GLB1L3: variants seen among roughly 807,000 people sequenced by gnomAD.
The protein encoded by GLB1L3 is galactosidase beta 1 like 3.
In GLB1L3, 89 loss-of-function variants were observed where a neutral mutation model predicts 89.5. The ratio of observed to expected loss-of-function variants is 0.99; its 90% confidence interval spans 0.84 to 1.19. The LOEUF (loss-of-function observed/expected upper bound fraction) is 1.19. GLB1L3 is among the 50% of genes most tolerant of loss of function. The pLI is 0.00. For synonymous variants in GLB1L3, 314 were observed against 312.3 expected (o/e 1.01, Z -0.06); for missense variants, 812 against 813.3 (o/e 1.00, Z 0.02).
intron 6 of GLB1L3, 100 bp downstream of exon 6, chr11:134,283,945 CA>C (rs1387307051): frequency 1.7e-5 from 12 of 709,662 alleles, no homozygotes; most frequent in Non-Finnish European, 3.0e-5. Flanking sequence ...TCTCCATGAA[CA>C]ATTGAGTTGA....
In GLB1L3 at chr11:134,292,124, C is replaced by G; in HGVS notation, c.730-8C>G. 1 of 1,611,472 alleles carries G rather than the reference C, an allele frequency of 6.2e-7. No individual in the cohort carries two copies. Among genetic ancestry groups the G allele is most frequent in the Non-Finnish European group, 8.5e-7 (1 of 1,178,116 alleles). ...AATTGGGTTCATTTTGGTTAATTTT[C>G]TCAACAGGCCCTGCTGAGAAGAGGG... On this transcript the variant is annotated splice_polypyrimidine_tract_variant and splice_region_variant and intron_variant, in intron 7 of 19. Transcript: ENST00000431683.
Position 134,310,603 on chromosome 11 carries a change from T to C in GLB1L3, c.1132T>C (p.Tyr378His). 3 of 1,613,594 alleles carry C rather than the reference T, an allele frequency of 1.9e-6. No homozygotes were observed. Among genetic ancestry groups the C allele is most frequent in the Non-Finnish European group, 2.5e-6 (3 of 1,179,724 alleles). Residue 378 changes from tyrosine (Y) to histidine (H), a missense_variant, in exon 12 of 20, where the codon TAC (tyrosine) becomes CAC (histidine). By Grantham distance (83) the Tyr-to-His change is moderately conservative. Transcript: ENST00000431683. ...TGCAGTGCTCACGGAGGCTGGAGAT[T>C]ACACAGAAAAATATCTGAAGCTTCA... Reference protein sequence around the residue: ...YDAVLTEAGDYTEKYLKLQKL... With the variant: ...YDAVLTEAGDHTEKYLKLQKL...
At chr11:134,280,663 C>T (rs12805143) in intron 3 of GLB1L3, among the ~76,000 whole-genome samples, 7,678 of 151,916 alleles carry the variant, frequency 0.051, 301 homozygotes, top group Non-Finnish European at 0.078. Flanking sequence ...CAACAAGCTA[C>T]GTTGTTAAGC....
At position 134,277,421 on chromosome 11, in the gene GLB1L3, TGCTTGGAA is replaced by T; in HGVS notation, c.121_128del (p.Leu41SerfsTer7). Reference sequence around the variant, plus strand: ...CGGTTTAAGCAGGAAGAGAACTTCATGCTTGGAAGAGCGCATCCGTCCCAGCCTAGGTT... The same window carrying T: ...CGGTTTAAGCAGGAAGAGAACTTCATGAGCGCATCCGTCCCAGCCTAGGTT... On this transcript the variant is annotated frameshift_variant, in exon 2 of 20. Transcript: ENST00000431683. LOFTEE classifies it high-confidence loss of function. 6.2e-7 allele frequency: 1 copy of T among 1,613,876 alleles called. No homozygotes were observed. Among genetic ancestry groups the T allele is most frequent in the East Asian group, 2.2e-5 (1 of 44,868 alleles).
Position 134,313,356 on chromosome 11 carries a change from C to T in GLB1L3, c.1501-40C>T, listed in dbSNP as rs779842482. ...AACGGGTTGTCGGGTAGACGCCCTC[C>T]ATGGCTGCGTGGTCTCCATGACCTG... On this transcript the variant is annotated intron_variant, in intron 15 of 19. Coordinates refer to ENST00000431683, the MANE Select transcript of GLB1L3 (RefSeq NM_001080407.3). 7.3e-6 allele frequency: 11 copies of T among 1,508,698 alleles called. No individual in the cohort carries two copies. In the South Asian group the frequency reaches 8.4e-5, roughly 12 times the overall value. 93.5% of individuals were successfully genotyped at this position (1,508,698 alleles called of 1,614,324 possible). A position where few individuals can be genotyped will look rare whatever the true frequency, so the allele number is the denominator to read the frequency against.
intron 14 of GLB1L3, 89 bp from the exon 15 acceptor site, chr11:134,312,727 A>G (rs1414649212): frequency 1.8e-6 from 2 of 1,130,668 alleles, no homozygotes; most frequent in African/African-American, 1.5e-5. Flanking sequence ...CCCTGCCTTC[A>G]TACTGACCTC....
intron 13 of GLB1L3, 152 bp from the exon 14 acceptor site, chr11:134,312,197 G>GCA: frequency 1.3e-6 from 1 of 797,670 alleles, no homozygotes; most frequent in Non-Finnish European, 2.0e-6. Context: ...GGAGACGTAA[G>GCA]CACAGAGCAG....
At chr11:134,310,790 C>T (rs1005184862) in intron 12 of GLB1L3, 139 bp downstream of exon 12, 9 of 670,162 alleles carry the variant, frequency 1.3e-5, no homozygotes, top group Middle Eastern at 2.5e-4. Flanking sequence ...ACCTTAACTT[C>T]GAACCCTGGG....
intron 10 of GLB1L3, among the ~76,000 whole-genome samples, chr11:134,308,207 A>T (rs1942324189): frequency 6.5e-5 from 2 of 30,628 alleles, no homozygotes; most frequent in Admixed American, 2.1e-4. Flanking sequence ...CACCACTACC[A>T]CCACCACCAT....
chr11:134,313,991 A>G lies in GLB1L3; in HGVS notation c.1630A>G (p.Ile544Val), dbSNP rs747111824. 12 of 1,612,726 alleles carry G rather than the reference A, an allele frequency of 7.4e-6. No individual in the cohort carries two copies. Among genetic ancestry groups the G allele is most frequent in the African/African-American group, 6.7e-5 (5 of 74,892 alleles). Residue 544 changes from isoleucine to valine, a missense_variant, in exon 17 of 20, where the codon ATC (isoleucine) becomes GTC (valine). Around this residue, in one of 3 missense-constraint regions of GLB1L3, gnomAD observed 618 missense variants for 604.0 expected, o/e 1.02. Coordinates refer to ENST00000431683, the MANE Select transcript of GLB1L3 (RefSeq NM_001080407.3). ...INNSSLEGFTIYSLEMKMSFF... is the reference protein window; with the variant it reads ...INNSSLEGFTVYSLEMKMSFF... The stretch of plus-strand genomic sequence containing the variant: ...TAACTCTTCCCTGGAGGGCTTTACC[A>G]TCTATTCCCTGGAGATGAAAATGAG...
downstream of GLB1L3, among the ~76,000 whole-genome samples, chr11:134,323,384 C>A (rs1370589348): frequency 9.8e-5 from 9 of 92,022 alleles, no homozygotes; most frequent in Non-Finnish European, 2.0e-4. Flanking sequence ...CGTGCGCACA[C>A]ACACACACAC....
At chr11:134,312,213 C>T in intron 13 of GLB1L3, 136 bp from the exon 14 acceptor site, 1 of 944,570 alleles carries the variant, frequency 1.1e-6, no homozygotes, top group East Asian at 2.4e-5. Context: ...AGCAGTGTCA[C>T]ATGGCATCTG....
chr11:134,299,887 C>T (rs1368347148), intron 9 of GLB1L3, among the ~76,000 whole-genome samples: 1 of 152,138 alleles, frequency 6.6e-6, no homozygotes, highest in Admixed American at 6.5e-5. Context: ...GCATCCCCTG[C>T]CCCTTTCCCA....
chr11:134,310,491 G>T, intron 11 of GLB1L3, 80 bp from the exon 12 acceptor site: 1 of 1,062,468 alleles, frequency 9.4e-7, no homozygotes, highest in Non-Finnish European at 1.4e-6. Context: ...CGGTGGCCCT[G>T]GCCATCTCCT....
intron 7 of GLB1L3, among the ~76,000 whole-genome samples, chr11:134,289,880 C>A (rs1051656625): frequency 2.0e-5 from 3 of 150,518 alleles, no homozygotes; most frequent in Non-Finnish European, 3.0e-5. Context: ...CAACTGAACC[C>A]CACCATGGGC....
intron 8 of GLB1L3, chr11:134,292,471 C>T (rs1292114548): frequency 5.9e-6 from 2 of 336,292 alleles, no homozygotes; most frequent in African/African-American, 2.1e-5. Context: ...CTCAGGACGC[C>T]TTTCCATCTC....
intron 15 of GLB1L3, 105 bp from the exon 16 acceptor site, chr11:134,313,291 T>C: frequency 1.3e-6 from 1 of 794,964 alleles, no homozygotes; most frequent in Non-Finnish European, 2.1e-6. Flanking sequence ...TGGAGCCTCC[T>C]GTTCTCCCAT....
intron 3 of GLB1L3, among the ~76,000 whole-genome samples, chr11:134,278,226 G>A (rs1377825642): frequency 6.6e-6 from 1 of 152,020 alleles, no homozygotes; most frequent in Admixed American, 6.5e-5. Context: ...TAAGCTTAAG[G>A]CACACTTACA....
At chr11:134,312,746 G>A (rs1261092472) in intron 14 of GLB1L3, 70 bp from the exon 15 acceptor site, 8 of 1,330,812 alleles carry the variant, frequency 6.0e-6, no homozygotes, top group East Asian at 4.9e-5. Flanking sequence ...TCCTTCTCCC[G>A]AAACCGCGGC....
Sources: gnomAD v4.1 joint callset for allele counts (sites outside exome capture counted in the v4.1 genomes callset) on GRCh38, gnomAD v4.1.1 for gene constraint, gnomAD v4.1.1 regional missense constraint, MANE v1.5 for transcripts, NCBI Gene and HGNC (gene_info 2026-07-23, HGNC 2026-07-21) for gene names.